IPO7: variants seen among roughly 807,000 people sequenced by gnomAD.
The protein encoded by IPO7 is importin 7, also known as importin-7.
IPO7 carries 13 observed loss-of-function variants against 136.4 expected under a neutral mutation model. The ratio of observed to expected loss-of-function variants is 0.10; its 90% CI spans 0.06 to 0.15. IPO7 has a LOEUF of 0.15. Among genes scored for constraint, IPO7 ranks in the 10% least tolerant of loss-of-function variants. The pLI is 1.00. For missense variants in IPO7, 857 were observed against 1,240.6 expected (o/e 0.69, Z 4.65); for synonymous variants, 403 against 404.4 (o/e 1.00, Z 0.04).
At chr11:9,402,519 C>T (rs768286257) in intron 1 of IPO7, among the ~76,000 whole-genome samples, 9 of 150,408 alleles carry the variant, frequency 6.0e-5, no homozygotes, top group Non-Finnish European at 8.8e-5. Context: ...GTCAGGAGTT[C>T]GAGACCAGCT....
intron 1 of IPO7, among the ~76,000 whole-genome samples, chr11:9,401,559 A>T (rs572109187): frequency 6.0e-5 from 6 of 99,752 alleles, no homozygotes; most frequent in Admixed American, 2.1e-4. Flanking sequence ...CAAACAAAAA[A>T]TTAAAAAAAA....
At chr11:9,405,202 T>A (rs938100137) in intron 2 of IPO7, among the ~76,000 whole-genome samples, 3 of 151,880 alleles carry the variant, frequency 2.0e-5, no homozygotes, top group Non-Finnish European at 4.4e-5. Flanking sequence ...TGAGACGGAG[T>A]CTTGCTCTGT....
In IPO7 at chr11:9,447,923, G is replaced by A. The variant is rs939127601; in HGVS notation, c.*2729G>A. 4.6e-5 allele frequency: 7 copies of A among 152,114 alleles called. No individual in the cohort carries two copies. The allele number at this position is 152,114 out of a possible 1,614,324, so 9.4% of individuals were successfully genotyped here. On this transcript the variant is annotated 3_prime_UTR_variant, in exon 25 of 25. Transcript: ENST00000379719. ...TGAGTGGCAAAACCACAGCCCTTGG[G>A]CCATATGCTGCTATTCAGTCCCAGA...
At chr11:9,436,656 G>T (rs1855372628) in intron 20 of IPO7, among the ~76,000 whole-genome samples, 1 of 149,274 alleles carries the variant, frequency 6.7e-6, no homozygotes, top group Non-Finnish European at 1.5e-5. Context: ...CAGTTTTTTT[G>T]TTTGTTTGTT....
At chr11:9,439,039 T>C (rs531070370) in intron 22 of IPO7, among the ~76,000 whole-genome samples, 16 of 152,180 alleles carry the variant, frequency 1.1e-4, no homozygotes, top group Non-Finnish European at 2.4e-4. Context: ...CTTGGAAGTC[T>C]GAGGTATCAG....
intron 19 of IPO7, 104 bp downstream of exon 19, chr11:9,435,135 A>T (rs1056248438): frequency 1.6e-5 from 12 of 729,160 alleles, no homozygotes; most frequent in African/African-American, 5.3e-5. Context: ...ACATGTAAAC[A>T]TGGATCTGAC....
chr11:9,436,181 C>A, intron 19 of IPO7, 90 bp from the exon 20 acceptor site: 1 of 801,474 alleles, frequency 1.2e-6, no homozygotes, highest in Admixed American at 2.1e-5. Flanking sequence ...TACTCAGAGC[C>A]TGTACACAGG....
intron 6 of IPO7, 40 bp downstream of exon 6, chr11:9,417,188 T>C: frequency 1.2e-6 from 1 of 862,536 alleles, no homozygotes; most frequent in Non-Finnish European, 1.9e-6. Context: ...TAAATGTAAA[T>C]ATTTAATGAT....
intron 2 of IPO7, among the ~76,000 whole-genome samples, chr11:9,403,713 C>T (rs1294229915): frequency 6.6e-6 from 1 of 152,078 alleles, no homozygotes; most frequent in Non-Finnish European, 1.5e-5. Flanking sequence ...TTGCTTTTAT[C>T]GTTTTAACAG....
intron 1 of IPO7, among the ~76,000 whole-genome samples, chr11:9,386,118 A>G (rs758589334): frequency 1.6e-4 from 25 of 152,244 alleles, no homozygotes; most frequent in Non-Finnish European, 2.6e-4. Flanking sequence ...AAAGGGCTGC[A>G]CTAGAGATCC....
chr11:9,404,116 G>A (rs1394774710), intron 2 of IPO7, among the ~76,000 whole-genome samples: 1 of 152,110 alleles, frequency 6.6e-6, no homozygotes, highest in African/African-American at 2.4e-5. Flanking sequence ...TAGAAAAACA[G>A]ATTACATTTT....
In IPO7 at chr11:9,423,054, C is replaced by T. The variant is rs1473790573; in HGVS notation, c.955C>T (p.Pro319Ser). Residue 319 changes from proline to serine, a missense_variant, in exon 9 of 25, where the codon CCT becomes TCT. Pro to Ser is a moderately conservative substitution (Grantham distance 74). Around this residue, in one of 11 missense-constraint regions of IPO7, gnomAD observed 287 missense variants for 307.5 expected, o/e 0.93. Coordinates refer to ENST00000379719, the MANE Select transcript of IPO7 (RefSeq NM_006391.3). ...GTACAAGGAGAAGCAATATATGGCTCCTCGAGTTTTACAACAGACATTAAA... is the reference window on the plus strand; with the variant it reads ...GTACAAGGAGAAGCAATATATGGCTTCTCGAGTTTTACAACAGACATTAAA... ...YQYKEKQYMAPRVLQQTLNYI... is the reference protein window; with the variant it reads ...YQYKEKQYMASRVLQQTLNYI... 2 of 1,601,570 alleles carry T rather than the reference C, an allele frequency of 1.2e-6. No homozygotes were observed. Among genetic ancestry groups the T allele is most frequent in the Non-Finnish European group, 8.5e-7 (1 of 1,170,784 alleles).
chr11:9,408,977 G>T (rs949138074), intron 3 of IPO7, among the ~76,000 whole-genome samples: 21 of 152,044 alleles, frequency 1.4e-4, no homozygotes, highest in African/African-American at 5.1e-4. Flanking sequence ...TTCCCAAAGT[G>T]CTGGGATTAC....
chr11:9,387,362 C>G (rs1590422225), intron 1 of IPO7, among the ~76,000 whole-genome samples: 1 of 152,172 alleles, frequency 6.6e-6, no homozygotes, highest in Non-Finnish European at 1.5e-5. Context: ...GCACTTAACT[C>G]CTTGGAACTC....
intron 5 of IPO7, among the ~76,000 whole-genome samples, chr11:9,415,153 T>C (rs1265851496): frequency 1.3e-5 from 2 of 151,706 alleles, no homozygotes; most frequent in Non-Finnish European, 2.9e-5. Flanking sequence ...ACCCCGTCTC[T>C]ATTAAAAATA....
Position 9,438,061 on chromosome 11 carries a change from T to TTG in IPO7, c.2490-18_2490-17insGT. The TTG allele has an allele frequency of 1.3e-6, 1 of 762,114 alleles. No individual in the cohort carries two copies. Among genetic ancestry groups the TTG allele is most frequent in the Non-Finnish European group, 1.7e-6 (1 of 577,954 alleles). The allele number at this position is 762,114 out of a possible 1,614,324, so 47.2% of individuals were successfully genotyped here. On this transcript the variant is annotated intron_variant, in intron 21 of 24. Coordinates refer to ENST00000379719, the MANE Select transcript of IPO7 (RefSeq NM_006391.3). ...AAGAAAACAGTTTTTTTTTTTTTTTTTTTTTTTTTTTTTTTTAGGCTTCAT... is the reference window on the plus strand; with the variant it reads ...AAGAAAACAGTTTTTTTTTTTTTTTTTGTTTTTTTTTTTTTTTTAGGCTTCAT...
At chr11:9,443,624 C>T (rs375666375) in intron 24 of IPO7, among the ~76,000 whole-genome samples, 8 of 145,598 alleles carry the variant, frequency 5.5e-5, no homozygotes, top group Non-Finnish European at 7.7e-5. Flanking sequence ...AACACTTGGC[C>T]AGGCGTGGTG....
intron 4 of IPO7, among the ~76,000 whole-genome samples, chr11:9,413,304 C>T (rs1291873335): frequency 6.6e-6 from 1 of 151,942 alleles, no homozygotes; most frequent in Non-Finnish European, 1.5e-5. Context: ...TTTTGTTGCC[C>T]TATGGGTTAA....
intron 1 of IPO7, 155 bp from the exon 2 acceptor site, chr11:9,403,135 T>C: frequency 3.1e-6 from 2 of 651,284 alleles, no homozygotes; most frequent in Non-Finnish European, 5.4e-6. Flanking sequence ...TCCTTAAAGT[T>C]CAATATAAGG....
Sources: allele counts gnomAD v4.1 joint callset (sites outside exome capture counted in the v4.1 genomes callset), GRCh38; gene constraint gnomAD v4.1.1; regional missense constraint gnomAD v4.1.1; transcripts MANE v1.5; gene names NCBI Gene and HGNC (gene_info 2026-07-23, HGNC 2026-07-21).